Variants in RIN3 observed in about 807,000 individuals in gnomAD.
RIN3 encodes RAB5 interacting protein 3.
A neutral mutation model predicts 76.3 loss-of-function variants in RIN3; 54 were observed. That is an observed-to-expected ratio of 0.71 (90% CI 0.57 to 0.89). RIN3 has a LOEUF of 0.89. RIN3 is among the 40% of genes least tolerant of loss of function. RIN3 has a pLI of 0.00. For synonymous variants in RIN3, 576 were observed against 564.0 expected, an observed-to-expected ratio of 1.02 and a Z score of -0.30; for missense variants, 1,256 against 1,322.1, an observed-to-expected ratio of 0.95 and a Z score of 0.78.
Position 92,547,092 on chromosome 14 carries a change from A to AATAAAATAAATTATCTTTATT in RIN3, c.45-8659_45-8658insATAAAATAAATTATCTTTATT, listed in dbSNP as rs1897289682. Among the ~76,000 whole-genome samples, 7 of 87,762 alleles carry AATAAAATAAATTATCTTTATT rather than the reference A, an allele frequency of 8.0e-5. 1 individual carries two copies. The highest frequency in any genetic ancestry group is 7.1e-4 in the South Asian group (2 of 2,820). The allele number at this position is 87,762 out of a possible 152,430, so 57.6% of individuals were successfully genotyped here. A position where few individuals can be genotyped will look rare whatever the true frequency, so the allele number is the denominator to read the frequency against. Reference sequence around the variant, plus strand: ...TTTATTTTATATTATATTATATTATATTATAATTAAATAAATTATCTTTAT... The same window carrying AATAAAATAAATTATCTTTATT: ...TTTATTTTATATTATATTATATTATAATAAAATAAATTATCTTTATTTTATAATTAAATAAATTATCTTTAT... On this transcript the variant is annotated intron_variant, in intron 1 of 9. Transcript: ENST00000216487.
At chr14:92,580,580 G>C (rs564522808) in intron 3 of RIN3, among the ~76,000 whole-genome samples, 9 of 152,382 alleles carry the variant, frequency 5.9e-5, no homozygotes, top group African/African-American at 2.2e-4. Context: ...GCTACTGCAA[G>C]AACCAGCATG....
At chr14:92,653,615 C>A (rs1382576652) in intron 6 of RIN3, among the ~76,000 whole-genome samples, 5 of 152,218 alleles carry the variant, frequency 3.3e-5, no homozygotes, top group African/African-American at 1.2e-4. Flanking sequence ...CTAAAGTAGC[C>A]CCTAGCCTTC....
intron 1 of RIN3, among the ~76,000 whole-genome samples, chr14:92,542,356 C>T (rs1486939758): frequency 4.0e-5 from 6 of 151,858 alleles, no homozygotes; most frequent in Admixed American, 6.6e-5. Flanking sequence ...AAATCAAAAC[C>T]GCAATGAGAA....
chr14:92,627,060 A>G (rs1373179142), intron 4 of RIN3, among the ~76,000 whole-genome samples: 1 of 152,142 alleles, frequency 6.6e-6, no homozygotes, highest in Non-Finnish European at 1.5e-5. Context: ...TCTTGTGCCT[A>G]TTCCTCTCAT....
chr14:92,615,181 A>G (rs1885907472), intron 3 of RIN3, among the ~76,000 whole-genome samples: 1 of 152,256 alleles, frequency 6.6e-6, no homozygotes, highest in East Asian at 1.9e-4. Flanking sequence ...GGACTAATAC[A>G]AACAGGTAAT....
chr14:92,625,160 A>G (rs1374879892), intron 4 of RIN3, among the ~76,000 whole-genome samples: 1 of 152,172 alleles, frequency 6.6e-6, no homozygotes, highest in African/African-American at 2.4e-5. Flanking sequence ...AAGTATGGTA[A>G]CCTATAGAGC....
intron 3 of RIN3, among the ~76,000 whole-genome samples, chr14:92,597,917 A>G (rs1885209875): frequency 6.6e-6 from 1 of 152,202 alleles, no homozygotes; most frequent in African/African-American, 2.4e-5. Context: ...AGCATTCTAT[A>G]TGAATTAATT....
At chr14:92,588,084 A>G (rs1884841016) in intron 3 of RIN3, among the ~76,000 whole-genome samples, 1 of 152,092 alleles carries the variant, frequency 6.6e-6, no homozygotes, top group South Asian at 2.1e-4. Context: ...CAGAGTCTTA[A>G]TCCCATCCAC....
intron 1 of RIN3, among the ~76,000 whole-genome samples, chr14:92,550,721 C>T (rs1052539464): frequency 6.6e-6 from 1 of 152,190 alleles, no homozygotes; most frequent in Non-Finnish European, 1.5e-5. Context: ...CAGCGCCCAG[C>T]TTATTATGTT....
intron 2 of RIN3, among the ~76,000 whole-genome samples, chr14:92,556,346 A>AT (rs1897580732): frequency 1.3e-5 from 2 of 152,172 alleles, no homozygotes. Context: ...GGTAAAAAAA[A>AT]AATGGCTTTA....
At chr14:92,659,524 T>TG in intron 7 of RIN3, 55 bp downstream of exon 7, 1 of 1,480,016 alleles carries the variant, frequency 6.8e-7, no homozygotes, top group Non-Finnish European at 9.1e-7. Flanking sequence ...TATGGGTCCA[T>TG]GACCCCACCC....
chr14:92,571,889 A>G (rs936647784), intron 2 of RIN3, among the ~76,000 whole-genome samples: 1 of 152,194 alleles, frequency 6.6e-6, no homozygotes, highest in African/African-American at 2.4e-5. Flanking sequence ...CTCTCCTCCT[A>G]TTCGCAGGGG....
intron 3 of RIN3, among the ~76,000 whole-genome samples, chr14:92,602,079 G>C (rs1194534365): frequency 6.6e-6 from 1 of 152,364 alleles, no homozygotes; most frequent in South Asian, 2.1e-4. Context: ...GCAACGACGA[G>C]CCCTGTGAAG....
intron 8 of RIN3, among the ~76,000 whole-genome samples, chr14:92,677,361 CCT>C (rs1888503641): frequency 6.6e-6 from 1 of 152,172 alleles, no homozygotes; most frequent in African/African-American, 2.4e-5. Context: ...CCTGACTTCC[CCT>C]CTGAGACATC....
intron 7 of RIN3, among the ~76,000 whole-genome samples, chr14:92,661,039 C>G (rs539500125): frequency 2.0e-5 from 3 of 152,318 alleles, no homozygotes; most frequent in South Asian, 4.1e-4. Context: ...GAATGATTTA[C>G]TTAACTCCTT....
chr14:92,623,031 T>C lies in RIN3; in HGVS notation c.440+7552T>C, dbSNP rs1886239347. 6.6e-6 allele frequency among the ~76,000 whole-genome samples: 1 copy of C among 152,236 alleles called. No individual in the cohort carries two copies. The highest frequency in any genetic ancestry group is 1.5e-5 in the Non-Finnish European group (1 of 68,044). On this transcript the variant is annotated intron_variant, in intron 4 of 9. Transcript: ENST00000216487. The surrounding 1 kb of genome is among the most constrained non-coding windows in gnomAD (Gnocchi z 4.9). Reference sequence around the variant, plus strand: ...ATAAGTCTTTGGACTAGTCCACGAATGCAGGGCATGATGCAGCATCCAACA... The same window carrying C: ...ATAAGTCTTTGGACTAGTCCACGAACGCAGGGCATGATGCAGCATCCAACA...
In RIN3 at chr14:92,608,532, T is replaced by C. The variant is rs1224085645; in HGVS notation, c.368-6875T>C. Among the ~76,000 whole-genome samples, 3 of 130,762 alleles carry C rather than the reference T, an allele frequency of 2.3e-5. No homozygotes were observed. The East Asian group carries it at 6.8e-4, about 30-fold the overall frequency. The allele number at this position is 130,762 out of a possible 152,430, so 85.8% of individuals were successfully genotyped here. A position where few individuals can be genotyped will look rare whatever the true frequency, so the allele number is the denominator to read the frequency against. ...TGATAAAACTGAATTTCTCTCTCTC[T>C]TTTTTAGCATTTTTTTTTTTGAGAC... On this transcript the variant is annotated intron_variant, in intron 3 of 9. Transcript: ENST00000216487.
intron 3 of RIN3, among the ~76,000 whole-genome samples, chr14:92,604,482 C>G (rs1885454717): frequency 6.6e-6 from 1 of 152,168 alleles, no homozygotes; most frequent in African/African-American, 2.4e-5. Flanking sequence ...CCAGGGTCCA[C>G]CCAAAGGTCC....
intron 3 of RIN3, among the ~76,000 whole-genome samples, chr14:92,600,859 C>T (rs547002154): frequency 6.6e-6 from 1 of 152,302 alleles, no homozygotes; most frequent in Non-Finnish European, 1.5e-5. Flanking sequence ...CCACTAGATG[C>T]CAGTAGCATC....
Sources: allele counts gnomAD v4.1 joint callset (sites outside exome capture counted in the v4.1 genomes callset), GRCh38; gene constraint gnomAD v4.1.1; non-coding constraint Gnocchi (gnomAD v3.1); transcripts MANE v1.5; gene names NCBI Gene and HGNC (gene_info 2026-07-23, HGNC 2026-07-21).